Variants in CARD8 observed in about 807,000 individuals in gnomAD.
CARD8 encodes caspase recruitment domain family member 8.
CARD8 carries 38 observed loss-of-function variants against 53.2 expected under a neutral mutation model. That is an observed-to-expected ratio of 0.71 (90% CI 0.55 to 0.94). CARD8 has a LOEUF of 0.94. Ranked by LOEUF, CARD8 falls within the 40% of genes least tolerant of loss-of-function variation. The pLI is 0.00. For synonymous variants in CARD8, 245 were observed against 244.9 expected (o/e 1.00, Z 0.00); for missense variants, 561 against 655.5 (o/e 0.86, Z 1.57).
At chr19:48,213,163 T>C (rs2038380538) in intron 13 of CARD8, 1 of 152,174 alleles carries the variant, frequency 6.6e-6, no homozygotes, top group South Asian at 2.1e-4. Context: ...CTCTTGATAA[T>C]TTCACTCCAT....
chr19:48,206,122 T>G (rs1173679133), downstream of CARD8, among the ~76,000 whole-genome samples: 1 of 152,038 alleles, frequency 6.6e-6, no homozygotes, highest in Non-Finnish European at 1.5e-5. Flanking sequence ...GGTCTCGAAC[T>G]CCTAACCTCA....
intron 12 of CARD8, among the ~76,000 whole-genome samples, chr19:48,217,395 C>G (rs1004257621): frequency 6.6e-6 from 1 of 152,196 alleles, no homozygotes; most frequent in Non-Finnish European, 1.5e-5. Context: ...CACATTTGTT[C>G]AACTATGTCC....
In CARD8 at chr19:48,249,589, G is replaced by C. The variant is rs144206571; in HGVS notation, c.-110C>G. The C allele has an allele frequency of 5.9e-5, 9 of 152,468 alleles. No homozygotes were observed. Among genetic ancestry groups the C allele is most frequent in the African/African-American group, 2.2e-4 (9 of 41,568 alleles). The allele number at this position is 152,468 out of a possible 1,614,324, so 9.4% of individuals were successfully genotyped here. On this transcript the variant is annotated 5_prime_UTR_variant, in exon 3 of 14. Coordinates refer to ENST00000651546, the MANE Select transcript of CARD8 (RefSeq NM_001184900.3). ...CCCACAGCCATCATGGCGACCGGAAGTCCTGAGAGCTTGTTTCCCTCGAAT... is the reference window on the plus strand; with the variant it reads ...CCCACAGCCATCATGGCGACCGGAACTCCTGAGAGCTTGTTTCCCTCGAAT...
At chr19:48,252,806 TATAC>T (rs1314485558) in intron 1 of CARD8, among the ~76,000 whole-genome samples, 4 of 69,936 alleles carry the variant, frequency 5.7e-5, no homozygotes, top group Non-Finnish European at 1.2e-4. Flanking sequence ...CTTATCAGTA[TATAC>T]ACACACACAC....
At chr19:48,221,668 C>T (rs2040655703) in intron 11 of CARD8, 62 bp downstream of exon 11, 3 of 1,232,584 alleles carry the variant, frequency 2.4e-6, no homozygotes, top group Non-Finnish European at 2.2e-6. Flanking sequence ...AAGATTCTTC[C>T]ATTTGTTTCA....
chr19:48,240,860 T>C, intron 4 of CARD8, 102 bp downstream of exon 4: 1 of 969,334 alleles, frequency 1.0e-6, no homozygotes, highest in South Asian at 1.4e-5. Context: ...GAGCAGAACC[T>C]TTCTTCCAGA....
At chr19:48,231,296 T>A (rs749546822) in intron 8 of CARD8, among the ~76,000 whole-genome samples, 10 of 152,150 alleles carry the variant, frequency 6.6e-5, no homozygotes, top group Admixed American at 1.3e-4. Flanking sequence ...CCTTTTGTAT[T>A]TATATTTTTA....
At chr19:48,234,202 T>A (rs1387716288) in intron 6 of CARD8, 7 of 552,832 alleles carry the variant, frequency 1.3e-5, no homozygotes, top group Non-Finnish European at 2.2e-5. Flanking sequence ...GTGTATAGGT[T>A]CTCTAGACAC....
intron 3 of CARD8, among the ~76,000 whole-genome samples, chr19:48,248,794 T>C (rs2046525963): frequency 1.3e-5 from 2 of 152,236 alleles, no homozygotes; most frequent in Non-Finnish European, 1.5e-5. Context: ...AAACTGAATG[T>C]CCATCATCAA....
intron 5 of CARD8, among the ~76,000 whole-genome samples, chr19:48,237,364 G>A (rs1199028998): frequency 6.6e-6 from 1 of 152,038 alleles, no homozygotes; most frequent in East Asian, 1.9e-4. Context: ...ATCACCAAAG[G>A]AATGGTGCTA....
intron 5 of CARD8, 179 bp downstream of exon 5, chr19:48,238,204 T>C: frequency 1.7e-6 from 2 of 1,192,350 alleles, no homozygotes; most frequent in Non-Finnish European, 2.2e-6. Flanking sequence ...TTTTCCCTAC[T>C]TCTTATGAGA....
chr19:48,238,698 C>T (rs113640169), intron 4 of CARD8, among the ~76,000 whole-genome samples, 166 bp from the exon 5 acceptor site: 1 of 151,954 alleles, frequency 6.6e-6, no homozygotes, highest in Non-Finnish European at 1.5e-5. Flanking sequence ...CATCCTTAGA[C>T]ATGCCCATCC....
intron 1 of CARD8, among the ~76,000 whole-genome samples, chr19:48,253,669 G>A (rs963887440): frequency 3.3e-5 from 5 of 152,056 alleles, no homozygotes; most frequent in Admixed American, 2.6e-4. Flanking sequence ...AATAATATTA[G>A]ACAAAATATA....
intron 5 of CARD8, among the ~76,000 whole-genome samples, chr19:48,236,938 G>T (rs769650196): frequency 1.3e-5 from 2 of 152,024 alleles, no homozygotes; most frequent in African/African-American, 2.4e-5. Flanking sequence ...ACCAAGCCCG[G>T]CTAATTCTGT....
At position 48,244,700 on chromosome 19, in the gene CARD8, A is replaced by AT. The variant is rs140352332; in HGVS notation, c.-43-3638dup. On this transcript the variant is annotated intron_variant, in intron 3 of 13. Coordinates refer to ENST00000651546, the MANE Select transcript of CARD8 (RefSeq NM_001184900.3). ...AAGAACATTCTGCATATAATCAGGC[A>AT]TGGAACGGTCCCATGCATTCCATAA... 5.5e-3 allele frequency among the ~76,000 whole-genome samples: 833 copies of AT among 152,354 alleles called. 3 individuals carry two copies. The highest frequency in any genetic ancestry group is 0.019 in the African/African-American group (778 of 41,590).
In CARD8 at chr19:48,211,677, A is replaced by G. The variant is rs771805440; in HGVS notation, c.*33T>C. 6.3e-7 allele frequency: 1 copy of G among 1,594,806 alleles called. No individual in the cohort carries two copies. The highest frequency in any genetic ancestry group is 1.4e-5 in the African/African-American group (1 of 74,038). ...TATCCATTTCCAATGAGAACGCTGGATTCTCTCTTCCAGACTACCTAACTG... is the reference window on the plus strand; with the variant it reads ...TATCCATTTCCAATGAGAACGCTGGGTTCTCTCTTCCAGACTACCTAACTG... On this transcript the variant is annotated 3_prime_UTR_variant, in exon 14 of 14. Transcript: ENST00000651546.
chr19:48,203,475 T>C (rs1370057640), downstream of CARD8: 1 of 152,284 alleles, frequency 6.6e-6, no homozygotes, highest in Non-Finnish European at 1.5e-5. Context: ...GGGGTCATAA[T>C]AGTACCTGTC....
At chr19:48,245,954 A>G (rs1216896134) in intron 3 of CARD8, among the ~76,000 whole-genome samples, 1 of 151,194 alleles carries the variant, frequency 6.6e-6, no homozygotes, top group African/African-American at 2.4e-5. Context: ...CAACCAGGAA[A>G]TTGATGTTAG....
chr19:48,241,204 T>C (rs988823678), intron 3 of CARD8, 141 bp from the exon 4 acceptor site: 1 of 594,184 alleles, frequency 1.7e-6, no homozygotes, highest in Non-Finnish European at 3.0e-6. Flanking sequence ...CTCCTAGTAG[T>C]GGTAGGTACT....
Sources: gnomAD v4.1 joint callset for allele counts (sites outside exome capture counted in the v4.1 genomes callset) on GRCh38, gnomAD v4.1.1 for gene constraint, MANE v1.5 for transcripts, NCBI Gene and HGNC (gene_info 2026-07-23, HGNC 2026-07-21) for gene names.